Variants in ROCK2 observed in about 807,000 individuals in gnomAD.
ROCK2 encodes the protein Rho associated coiled-coil containing protein kinase 2, also known as rho-associated protein kinase 2.
Under a neutral mutation model 195.1 loss-of-function variants are expected in ROCK2, and 61 were observed. The ratio of observed to expected loss-of-function variants is 0.31; its 90% CI spans 0.25 to 0.39. The LOEUF (loss-of-function observed/expected upper bound fraction) is 0.39. Ranked by LOEUF, ROCK2 falls within the 10% of genes least tolerant of loss-of-function variation. The pLI is 1.00. For synonymous variants in ROCK2, 504 were observed against 545.5 expected (o/e 0.92, Z 1.06); for missense variants, 1,109 against 1,637.4 (o/e 0.68, Z 5.57).
intron 1 of ROCK2, among the ~76,000 whole-genome samples, chr2:11,313,558 T>C (rs992448900): frequency 3.3e-5 from 5 of 152,030 alleles, no homozygotes; most frequent in Non-Finnish European, 5.9e-5. Flanking sequence ...TATGGTGAAT[T>C]TGTATAACCT....
At position 11,214,454 on chromosome 2, in the gene ROCK2, C is replaced by T. The variant is rs754592808; in HGVS notation, c.1946G>A (p.Cys649Tyr). Residue 649 changes from cysteine to tyrosine, a missense_variant, in exon 17 of 33, where the codon TGT becomes TAT. Physicochemically the swap from Cys to Tyr is radical, Grantham distance 194 (BLOSUM62 -2). Coordinates refer to ENST00000315872, the MANE Select transcript of ROCK2 (RefSeq NM_004850.5). ...EIINDLQGRI[C>Y]GLEEDLKNGK... is the part of the protein sequence containing the mutation. ...GTTCTTTAAATCTTCTTCTAGGCCACATATTCTACCTAAAAATTGCAACGT... is the reference window on the plus strand; with the variant it reads ...GTTCTTTAAATCTTCTTCTAGGCCATATATTCTACCTAAAAATTGCAACGT... 7 of 1,592,808 alleles carry T rather than the reference C, an allele frequency of 4.4e-6. No homozygotes were observed. The Admixed American group carries it at 5.1e-5, about 12-fold the overall frequency.
chr2:11,184,555 T>C (rs1199252065), intron 32 of ROCK2: 4 of 823,092 alleles, frequency 4.9e-6, no homozygotes, highest in Admixed American at 6.2e-5. Flanking sequence ...CTTTTAACTA[T>C]ATACTATTAA....
intron 8 of ROCK2, 150 bp downstream of exon 8, chr2:11,221,933 T>C (rs1405109324): frequency 7.5e-6 from 4 of 532,166 alleles, no homozygotes; most frequent in East Asian, 2.8e-5. Flanking sequence ...GTTATAAATA[T>C]TGCCACAGAA....
intron 3 of ROCK2, among the ~76,000 whole-genome samples, chr2:11,274,134 T>C (rs1243584710): frequency 6.6e-6 from 1 of 151,888 alleles, no homozygotes; most frequent in African/African-American, 2.4e-5. Context: ...TTTATAGCTA[T>C]AAATGCTTAC....
intron 5 of ROCK2, among the ~76,000 whole-genome samples, chr2:11,232,063 T>G (rs979416050): frequency 6.6e-6 from 1 of 152,178 alleles, no homozygotes; most frequent in African/African-American, 2.4e-5. Context: ...ATTTCTGGCA[T>G]GTAAGCTGTA....
At chr2:11,264,733 A>G (rs1666355060) in intron 3 of ROCK2, among the ~76,000 whole-genome samples, 1 of 152,196 alleles carries the variant, frequency 6.6e-6, no homozygotes, top group Admixed American at 6.6e-5. Flanking sequence ...GAGCCTGGCC[A>G]TTGGAAACTA....
At chr2:11,306,571 C>CT (rs572920655) in intron 1 of ROCK2, among the ~76,000 whole-genome samples, 3 of 152,164 alleles carry the variant, frequency 2.0e-5, no homozygotes, top group Non-Finnish European at 4.4e-5. Context: ...CATTAAATGA[C>CT]TGAGTGTACA....
intron 3 of ROCK2, among the ~76,000 whole-genome samples, chr2:11,275,742 C>T (rs1398109777): frequency 6.8e-6 from 1 of 147,726 alleles, no homozygotes; most frequent in African/African-American, 2.5e-5. Context: ...CTCTGTCACC[C>T]AGGCTGGAGT....
At chr2:11,267,122 G>A (rs144449522) in intron 3 of ROCK2, among the ~76,000 whole-genome samples, 1 of 152,060 alleles carries the variant, frequency 6.6e-6, no homozygotes, top group South Asian at 2.1e-4. Flanking sequence ...TCCAAATTCT[G>A]TATCTCTTCC....
chr2:11,200,943 A>T lies in ROCK2; in HGVS notation c.2910+14T>A. The T allele has an allele frequency of 6.3e-7, 1 of 1,578,762 alleles. No individual in the cohort carries two copies. Among genetic ancestry groups the T allele is most frequent in the Non-Finnish European group, 8.6e-7 (1 of 1,165,784 alleles). On this transcript the variant is annotated intron_variant, in intron 23 of 32. Transcript: ENST00000315872. ...TTAACTATAATCCAAAAAAGCACCA[A>T]GAATTTGACTTACAGAAGCAATTGT...
rs117961373 is a variant in ROCK2 at position 11,195,663 on chromosome 2, C to T, written c.3449-638G>A. 2.6e-5 allele frequency among the ~76,000 whole-genome samples: 4 copies of T among 152,160 alleles called. No homozygotes were observed. The East Asian group carries it at 7.7e-4, about 29-fold the overall frequency. On this transcript the variant is annotated intron_variant, in intron 27 of 32. Transcript: ENST00000315872. Reference sequence around the variant, plus strand: ...CCAGGTAGCTGGGATTACAGGCACGCGCCAGCACGCCCAGCTATTTCTTGT... The same window carrying T: ...CCAGGTAGCTGGGATTACAGGCACGTGCCAGCACGCCCAGCTATTTCTTGT...
intron 32 of ROCK2, among the ~76,000 whole-genome samples, chr2:11,187,561 TAATG>T (rs1663242484): frequency 6.6e-6 from 1 of 152,236 alleles, no homozygotes; most frequent in Non-Finnish European, 1.5e-5. Flanking sequence ...ATTTCCATAA[TAATG>T]CCTGCATGCG....
chr2:11,295,241 A>C (rs1273034037), intron 1 of ROCK2, among the ~76,000 whole-genome samples: 1 of 152,250 alleles, frequency 6.6e-6, no homozygotes. Flanking sequence ...ATAAAATATT[A>C]GAAAAAGTAA....
chr2:11,220,606 T>C (rs547439041), intron 9 of ROCK2, among the ~76,000 whole-genome samples: 2 of 152,340 alleles, frequency 1.3e-5, no homozygotes, highest in South Asian at 4.1e-4. Flanking sequence ...TAGTAGCACC[T>C]GCTCTATGTT....
chr2:11,293,440 A>G (rs1467958448), intron 1 of ROCK2, among the ~76,000 whole-genome samples: 3 of 152,202 alleles, frequency 2.0e-5, no homozygotes, highest in Non-Finnish European at 4.4e-5. Context: ...TGGCTATTTA[A>G]ATAGTTAAAG....
At chr2:11,244,024 G>A (rs773270476) in intron 4 of ROCK2, among the ~76,000 whole-genome samples, 1 of 152,096 alleles carries the variant, frequency 6.6e-6, no homozygotes, top group African/African-American at 2.4e-5. Flanking sequence ...TTTCACAGAT[G>A]AACATGTAAA....
At chr2:11,297,221 T>C (rs1164086120) in intron 1 of ROCK2, among the ~76,000 whole-genome samples, 1 of 152,110 alleles carries the variant, frequency 6.6e-6, no homozygotes, top group Non-Finnish European at 1.5e-5. Context: ...AAAAATTAAA[T>C]GTATAATAAT....
intron 9 of ROCK2, among the ~76,000 whole-genome samples, chr2:11,219,523 A>C (rs908731179): frequency 7.9e-5 from 12 of 152,014 alleles, no homozygotes; most frequent in Non-Finnish European, 1.2e-4. Flanking sequence ...TCCATCCATC[A>C]ATCAATCAAT....
At position 11,197,559 on chromosome 2, in the gene ROCK2, G is replaced by A; in HGVS notation, c.3246C>T (p.Ile1082=). ...TTTCATTCAGTTCTTTCTGATACTT[G>A]ATCATCTGCTGGGTCAATTTCTCAC... ...SEREKLTQQM[I]KYQKELNEMQ... is the part of the protein sequence containing the mutation. The change falls in exon 26 of 33, where the codon ATC becomes ATT. Residue 1082 remains isoleucine, a synonymous_variant. Transcript: ENST00000315872. The surrounding 1 kb of genome is among the most constrained non-coding windows in gnomAD (Gnocchi z 4.9). 1 of 1,613,158 alleles carries A rather than the reference G, an allele frequency of 6.2e-7. No homozygotes were observed.
Sources: allele counts gnomAD v4.1 joint callset (sites outside exome capture counted in the v4.1 genomes callset), GRCh38; gene constraint gnomAD v4.1.1; non-coding constraint Gnocchi (gnomAD v3.1); transcripts MANE v1.5; gene names NCBI Gene and HGNC (gene_info 2026-07-23, HGNC 2026-07-21).